Variants in SASH1 observed in about 807,000 individuals in gnomAD.
The protein encoded by SASH1 is SAM and SH3 domain-containing protein 1.
In SASH1, 44 loss-of-function variants were observed where a neutral mutation model predicts 125.2. That is an observed-to-expected ratio of 0.35 (90% CI 0.28 to 0.45). The LOEUF (loss-of-function observed/expected upper bound fraction) is 0.45, where lower values mean the gene tolerates loss of function less well. Ranked by LOEUF, SASH1 falls within the 20% of genes least tolerant of loss-of-function variation. The pLI is 1.00. For missense variants in SASH1, 1,426 were observed against 1,614.5 expected, an observed-to-expected ratio of 0.88 and a Z score of 2.00; for synonymous variants, 639 against 649.1, an observed-to-expected ratio of 0.98 and a Z score of 0.24.
intron 4 of SASH1, among the ~76,000 whole-genome samples, chr6:148,449,078 C>CTTTTTCTTTTTCTTT: frequency 1.1e-5 from 1 of 88,736 alleles, no homozygotes; most frequent in African/African-American, 4.3e-5. Context: ...CATTTCATTT[C>CTTTTTCTTTTTCTTT]TTTTTTTTTT....
intron 1 of SASH1, among the ~76,000 whole-genome samples, chr6:148,359,623 GAGTTT>G (rs1782109921): frequency 6.6e-6 from 1 of 152,132 alleles, no homozygotes; most frequent in Non-Finnish European, 1.5e-5. Context: ...AGCAGTATCA[GAGTTT>G]AAGAGGATTC....
In SASH1 at chr6:148,458,983, TACACACACACAC is replaced by T. The variant is rs71004297; in HGVS notation, c.387-9533_387-9522del. Among the ~76,000 whole-genome samples, 597 of 137,952 alleles carry T rather than the reference TACACACACACAC, an allele frequency of 4.3e-3. 5 individuals carry two copies. The highest frequency in any genetic ancestry group is 0.013 in the African/African-American group (488 of 36,978). The allele number at this position is 137,952 out of a possible 152,430, so 90.5% of individuals were successfully genotyped here. A position where few individuals can be genotyped will look rare whatever the true frequency, so the allele number is the denominator to read the frequency against. On this transcript the variant is annotated intron_variant, in intron 4 of 19. Transcript: ENST00000367467. ...ACCTGTCTCAAAAAAAAAAAAAGTA[TACACACACACAC>T]ACACACACACACACACACACACACA...
intron 1 of SASH1, among the ~76,000 whole-genome samples, chr6:148,307,549 G>A (rs1780178831): frequency 6.6e-6 from 1 of 152,090 alleles, no homozygotes; most frequent in Non-Finnish European, 1.5e-5. Flanking sequence ...CAGGTTCCGT[G>A]GCTGCCCCAA....
chr6:148,509,957 C>T (rs1408008696), intron 8 of SASH1, among the ~76,000 whole-genome samples: 3 of 152,340 alleles, frequency 2.0e-5, no homozygotes, highest in East Asian at 3.9e-4. Context: ...CACCCTCCTC[C>T]GGGTGCCAGA....
At chr6:148,426,837 C>T (rs1775844426) in intron 2 of SASH1, among the ~76,000 whole-genome samples, 1 of 152,128 alleles carries the variant, frequency 6.6e-6, no homozygotes, top group South Asian at 2.1e-4. Flanking sequence ...TGGATGTACT[C>T]AGAAGATCAC....
intron 2 of SASH1, among the ~76,000 whole-genome samples, chr6:148,428,255 AAC>A (rs1163952061): frequency 2.6e-5 from 4 of 152,228 alleles, no homozygotes; most frequent in African/African-American, 9.6e-5. Context: ...TGTAACACTG[AAC>A]TAAGTTACTT....
In SASH1 at chr6:148,543,887, G is replaced by C; in HGVS notation, c.2417G>C (p.Gly806Ala). The C allele has an allele frequency of 6.2e-7, 1 of 1,614,196 alleles. No individual in the cohort carries two copies. The highest frequency in any genetic ancestry group is 8.5e-7 in the Non-Finnish European group (1 of 1,180,042). ...SKSCDPPGVT[G>A]LNKNRRSLPV... is the part of the protein sequence containing the mutation. ...AGCTGTGACCCACCTGGTGTGACTG[G>C]TTTGAATAAAAACCGAAGAAGCCTC... The change falls in exon 18 of 20, where the codon GGT (glycine) becomes GCT (alanine). Residue 806 changes from glycine (G) to alanine (A), a missense_variant. By Grantham distance (60) the Gly-to-Ala change is moderately conservative. Transcript: ENST00000367467.
At chr6:148,195,006 G>A in the SASH1 span, among the ~76,000 whole-genome samples, 1 of 152,242 alleles carries the variant, frequency 6.6e-6, no homozygotes, top group Non-Finnish European at 1.5e-5. Flanking sequence ...TTGGAGAAAG[G>A]AGGGTAAAAA....
At chr6:148,352,737 C>T (rs1458787606) in intron 1 of SASH1, among the ~76,000 whole-genome samples, 4 of 151,882 alleles carry the variant, frequency 2.6e-5, no homozygotes, top group South Asian at 2.1e-4. Context: ...TTTGGGAGGC[C>T]GAGGCAGGTG....
At chr6:148,534,307 C>G (rs1245793269) in intron 15 of SASH1, among the ~76,000 whole-genome samples, 2 of 152,160 alleles carry the variant, frequency 1.3e-5, no homozygotes, top group African/African-American at 2.4e-5. Flanking sequence ...GCGCCCACCT[C>G]TCTCCCACCA....
intron 1 of SASH1, among the ~76,000 whole-genome samples, chr6:148,306,453 T>C (rs1310497147): frequency 6.6e-6 from 1 of 152,166 alleles, no homozygotes; most frequent in Non-Finnish European, 1.5e-5. Context: ...TTGGCAAGAC[T>C]CTTCACCCAC....
At chr6:148,499,853 A>G (rs1779490665) in intron 8 of SASH1, among the ~76,000 whole-genome samples, 1 of 152,116 alleles carries the variant, frequency 6.6e-6, no homozygotes, top group Non-Finnish European at 1.5e-5. Flanking sequence ...ATTTTTATTT[A>G]TAAATTGGTT....
the SASH1 span, among the ~76,000 whole-genome samples, chr6:148,216,622 C>T: frequency 6.6e-6 from 1 of 152,150 alleles, no homozygotes; most frequent in Non-Finnish European, 1.5e-5. Context: ...TCCGTCCAGC[C>T]CTGAATGATG....
intron 1 of SASH1, among the ~76,000 whole-genome samples, chr6:148,367,696 G>T (rs1160094659): frequency 6.6e-6 from 1 of 152,228 alleles, no homozygotes; most frequent in Non-Finnish European, 1.5e-5. Context: ...CAGGTCTTCT[G>T]CCCCAGGTTG....
At chr6:148,531,287 C>G (rs1262570883) in intron 12 of SASH1, among the ~76,000 whole-genome samples, 1 of 151,762 alleles carries the variant, frequency 6.6e-6, no homozygotes, top group Non-Finnish European at 1.5e-5. Context: ...TTGGAGATTC[C>G]AAGAATATCT....
At chr6:148,202,065 G>T in the SASH1 span, among the ~76,000 whole-genome samples, 1 of 151,942 alleles carries the variant, frequency 6.6e-6, no homozygotes. Flanking sequence ...ACCACATGTG[G>T]TCCTGGAGCT....
At chr6:148,474,974 GT>G (rs1483268715) in intron 7 of SASH1, among the ~76,000 whole-genome samples, 1 of 152,122 alleles carries the variant, frequency 6.6e-6, no homozygotes, top group Non-Finnish European at 1.5e-5. Context: ...GCAATTTATT[GT>G]GTTTGTTTTT....
At chr6:148,501,444 C>A (rs954983987) in intron 8 of SASH1, among the ~76,000 whole-genome samples, 4 of 152,092 alleles carry the variant, frequency 2.6e-5, no homozygotes, top group African/African-American at 9.7e-5. Flanking sequence ...TTTTCCATGG[C>A]ATGTGAGAAT....
chr6:148,355,993 A>G (rs1435745274), intron 1 of SASH1, among the ~76,000 whole-genome samples: 1 of 150,496 alleles, frequency 6.6e-6, no homozygotes, highest in African/African-American at 2.5e-5. Context: ...TGTACACAGC[A>G]CTCAGTGTGC....
Sources: allele counts gnomAD v4.1 joint callset (sites outside exome capture counted in the v4.1 genomes callset), GRCh38; gene constraint gnomAD v4.1.1; transcripts MANE v1.5; gene names NCBI Gene and HGNC (gene_info 2026-07-23, HGNC 2026-07-21).